Variants in AZI2 observed in about 807,000 individuals in gnomAD.
AZI2 encodes 5-azacytidine-induced protein 2.
In AZI2, 22 loss-of-function variants were observed where a neutral mutation model predicts 45.8. The ratio of observed to expected loss-of-function variants is 0.48; its 90% CI spans 0.34 to 0.69. The LOEUF (loss-of-function observed/expected upper bound fraction) is 0.69. AZI2 is among the 30% of genes least tolerant of loss of function. AZI2 has a pLI of 0.01. For synonymous variants in AZI2, 137 were observed against 156.7 expected (o/e 0.87, Z 0.94); for missense variants, 417 against 441.5 (o/e 0.94, Z 0.50).
Position 28,322,987 on chromosome 3 carries a change from CTTCT to C in AZI2, c.*1051_*1054del, listed in dbSNP as rs530162289. 1.3e-4 allele frequency: 20 copies of C among 150,450 alleles called. No homozygotes were observed. The highest frequency in any genetic ancestry group is 9.7e-4 in the East Asian group (5 of 5,138). 9.3% of individuals were successfully genotyped at this position (150,450 alleles called of 1,614,324 possible). A position where few individuals can be genotyped will look rare whatever the true frequency, so the allele number is the denominator to read the frequency against. On this transcript the variant is annotated 3_prime_UTR_variant, in exon 8 of 8. Coordinates refer to ENST00000479665, the MANE Select transcript of AZI2 (RefSeq NM_022461.5). ...TTCCATGTGAAGCCATCTTTATTTC[CTTCT>C]TTATTTCCAAATAATTGGCCACTTA...
At chr3:28,328,826 T>C (rs1340867600) in intron 6 of AZI2, among the ~76,000 whole-genome samples, 1 of 151,302 alleles carries the variant, frequency 6.6e-6, no homozygotes, top group Non-Finnish European at 1.5e-5. Flanking sequence ...ATCTTCAAAG[T>C]GTGTAAAAAA....
intron 6 of AZI2, among the ~76,000 whole-genome samples, chr3:28,329,018 T>C (rs1559456679): frequency 6.6e-6 from 1 of 150,934 alleles, no homozygotes; most frequent in Non-Finnish European, 1.5e-5. Context: ...CAACTGGGAG[T>C]ATAAAGTTTA....
chr3:28,332,548 A>ATACT, intron 5 of AZI2, 121 bp from the exon 6 acceptor site: 1 of 677,110 alleles, frequency 1.5e-6, no homozygotes, highest in South Asian at 2.1e-5. Context: ...AGTGCAAAGA[A>ATACT]TACAATTAGA....
chr3:28,332,223 T>A, intron 6 of AZI2, 146 bp downstream of exon 6: 1 of 674,534 alleles, frequency 1.5e-6, no homozygotes, highest in South Asian at 2.2e-5. Flanking sequence ...TTCTACAAAT[T>A]TATTGTGATC....
chr3:28,342,186 CAACT>C (rs1704043314), intron 1 of AZI2, among the ~76,000 whole-genome samples: 1 of 151,944 alleles, frequency 6.6e-6, no homozygotes, highest in Admixed American at 6.6e-5. Flanking sequence ...TTCCAATTGT[CAACT>C]AAAGCAACAG....
intron 1 of AZI2, among the ~76,000 whole-genome samples, chr3:28,345,363 T>C (rs66733194): frequency 0.21 from 32,491 of 152,060 alleles, 4,147 homozygotes; most frequent in Middle Eastern, 0.29. Flanking sequence ...TTTAATATTA[T>C]AGAAAGTAAT....
intron 6 of AZI2, among the ~76,000 whole-genome samples, chr3:28,328,686 T>G (rs1328193152): frequency 6.6e-6 from 1 of 151,256 alleles, no homozygotes; most frequent in Non-Finnish European, 1.5e-5. Flanking sequence ...TTGCTCTTAA[T>G]GTAACCTGAA....
intron 4 of AZI2, chr3:28,337,189 G>C (rs1413466567): frequency 4.2e-6 from 1 of 240,616 alleles, no homozygotes; most frequent in African/African-American, 2.3e-5. Context: ...ATAATAAACT[G>C]AATAAACTGA....
Position 28,323,893 on chromosome 3 carries a change from G to C in AZI2, c.*149C>G. ...TAGAAAACCAACTATGTTGGTTTTTGTACTATTGTACAGTGTGTTCAAATA... is the reference window on the plus strand; with the variant it reads ...TAGAAAACCAACTATGTTGGTTTTTCTACTATTGTACAGTGTGTTCAAATA... On this transcript the variant is annotated 3_prime_UTR_variant, in exon 8 of 8. Coordinates refer to ENST00000479665, the MANE Select transcript of AZI2 (RefSeq NM_022461.5). The C allele has an allele frequency of 2.4e-6, 2 of 830,526 alleles. No homozygotes were observed. Among genetic ancestry groups the C allele is most frequent in the Non-Finnish European group, 3.6e-6 (2 of 552,240 alleles). 51.4% of individuals were successfully genotyped at this position (830,526 alleles called of 1,614,324 possible). A position where few individuals can be genotyped will look rare whatever the true frequency, so the allele number is the denominator to read the frequency against.
At chr3:28,326,771 A>C (rs764607326) in intron 7 of AZI2, 61 bp downstream of exon 7, 1 of 1,173,406 alleles carries the variant, frequency 8.5e-7, no homozygotes, top group Non-Finnish European at 1.3e-6. Context: ...AAGATATGAC[A>C]GCTAGTTGCT....
intron 1 of AZI2, chr3:28,341,728 TA>T (rs1704024702): frequency 6.6e-6 from 1 of 152,030 alleles, no homozygotes; most frequent in Non-Finnish European, 1.5e-5. Flanking sequence ...TAGTTTAAAA[TA>T]AAAAACTAAA....
rs17021369 is a variant in AZI2, at chr3:28,325,478, G to T, written c.767-1024C>A. 7.8e-3 allele frequency among the ~76,000 whole-genome samples: 1,175 copies of T among 151,080 alleles called. 16 individuals carry two copies. Among genetic ancestry groups the T allele is most frequent in the African/African-American group, 0.026 (1,084 of 41,384 alleles). On this transcript the variant is annotated intron_variant, in intron 7 of 7. Transcript: ENST00000479665. ...GTGATACAAAGGTCAGGAGAAAGGT[G>T]GTTCTAGTCTCATCTCTGTACTCCT...
At chr3:28,342,680 A>C (rs1187970717) in intron 1 of AZI2, among the ~76,000 whole-genome samples, 3 of 150,396 alleles carry the variant, frequency 2.0e-5, no homozygotes, top group Non-Finnish European at 3.0e-5. Flanking sequence ...GAAAGTATGC[A>C]TATATATCTT....
Position 28,340,477 on chromosome 3 carries a change from G to A in AZI2, c.141C>T (p.Asp47=), listed in dbSNP as rs1443784443. The change falls in exon 2 of 8, where the codon GAC becomes GAT. Residue 47 remains aspartate, a synonymous_variant. Coordinates refer to ENST00000479665, the MANE Select transcript of AZI2 (RefSeq NM_022461.5). ...SHFALVTAYE[D]IKKRLKDSEK... Reference sequence around the variant, plus strand: ...CTGAATCCTTAAGTCGTTTTTTGATGTCTTCATATGCAGTGACAAGAGCAA... The same window carrying A: ...CTGAATCCTTAAGTCGTTTTTTGATATCTTCATATGCAGTGACAAGAGCAA... The A allele has an allele frequency of 6.2e-7, 1 of 1,612,018 alleles. No homozygotes were observed. Among genetic ancestry groups the A allele is most frequent in the Non-Finnish European group, 8.5e-7 (1 of 1,178,816 alleles).
chr3:28,340,465 T>C lies in AZI2; in HGVS notation c.153A>G (p.Arg51=). Residue 51 remains arginine, a synonymous_variant, in exon 2 of 8, where the codon CGA becomes CGG. Coordinates refer to ENST00000479665, the MANE Select transcript of AZI2 (RefSeq NM_022461.5). ...AGTTCTCTTTCTCTGAATCCTTAAG[T>C]CGTTTTTTGATGTCTTCATATGCAG... ...LVTAYEDIKK[R]LKDSEKENSL... 1 of 1,612,722 alleles carries C rather than the reference T, an allele frequency of 6.2e-7. No individual in the cohort carries two copies. Among genetic ancestry groups the C allele is most frequent in the Non-Finnish European group, 8.5e-7 (1 of 1,179,060 alleles).
intron 1 of AZI2, among the ~76,000 whole-genome samples, chr3:28,342,970 C>A (rs137877544): frequency 1.3e-5 from 2 of 152,032 alleles, no homozygotes; most frequent in Non-Finnish European, 2.9e-5. Context: ...AAAACAGATA[C>A]CCTGCAGTTT....
In AZI2 at chr3:28,324,016, T is replaced by A; in HGVS notation, c.*26A>T. 1.3e-6 allele frequency: 2 copies of A among 1,572,718 alleles called. No individual in the cohort carries two copies. Among genetic ancestry groups the A allele is most frequent in the Non-Finnish European group, 1.7e-6 (2 of 1,152,306 alleles). ...CCACTGAAAGAGATAAGTGTCCTCA[T>A]GGTGAAATCGTGAATCTCTTCCAAA... On this transcript the variant is annotated 3_prime_UTR_variant, in exon 8 of 8. Coordinates refer to ENST00000479665, the MANE Select transcript of AZI2 (RefSeq NM_022461.5).
chr3:28,330,756 A>C (rs937859504), intron 6 of AZI2, among the ~76,000 whole-genome samples: 30 of 151,400 alleles, frequency 2.0e-4, no homozygotes, highest in African/African-American at 7.3e-4. Flanking sequence ...ATTTGCAAAA[A>C]ACCACAAGTG....
chr3:28,324,508 A>T, intron 7 of AZI2, 54 bp from the exon 8 acceptor site: 1 of 1,377,646 alleles, frequency 7.3e-7, no homozygotes, highest in Admixed American at 2.6e-5. Context: ...GTGATCATAA[A>T]ATTCGATAAC....
Sources: allele counts gnomAD v4.1 joint callset (sites outside exome capture counted in the v4.1 genomes callset), GRCh38; gene constraint gnomAD v4.1.1; transcripts MANE v1.5; gene names NCBI Gene and HGNC (gene_info 2026-07-23, HGNC 2026-07-21).